HNRNPF: variants seen among roughly 807,000 people sequenced by gnomAD.
The protein encoded by HNRNPF is HnRNP F protein.
A neutral mutation model predicts 26.0 loss-of-function variants in HNRNPF; 2 were observed. The ratio of observed to expected loss-of-function variants is 0.08; its 90% CI spans 0.03 to 0.24. The LOEUF (loss-of-function observed/expected upper bound fraction) is 0.24, where lower values mean the gene tolerates loss of function less well. Ranked by LOEUF, HNRNPF falls within the 10% of genes least tolerant of loss-of-function variation. The probability of loss-of-function intolerance (pLI) is 1.00; values close to 1 mark genes in which losing one functional copy is unlikely to be tolerated. For missense variants in HNRNPF, 299 were observed against 539.2 expected (o/e 0.55, Z 4.41); for synonymous variants, 234 against 211.5 (o/e 1.11, Z -0.92).
intron 1 of HNRNPF, among the ~76,000 whole-genome samples, chr10:43,399,654 G>A (rs1838690835): frequency 6.6e-6 from 1 of 152,216 alleles, no homozygotes; most frequent in South Asian, 2.1e-4. Flanking sequence ...GAGATACATG[G>A]AGACAAGATG....
intron 1 of HNRNPF, among the ~76,000 whole-genome samples, chr10:43,398,028 T>G (rs546246988): frequency 7.9e-5 from 12 of 152,294 alleles, no homozygotes; most frequent in South Asian, 2.1e-4. Context: ...GTTTTGTTTG[T>G]TTGGTTGGTT....
chr10:43,403,445 A>C (rs1405185524), intron 1 of HNRNPF, among the ~76,000 whole-genome samples: 1 of 152,216 alleles, frequency 6.6e-6, no homozygotes. Flanking sequence ...TCATTTCCAA[A>C]AGAGTTTTAC....
intron 2 of HNRNPF, among the ~76,000 whole-genome samples, chr10:43,396,122 G>A (rs1375311465): frequency 6.6e-6 from 1 of 152,166 alleles, no homozygotes; most frequent in African/African-American, 2.4e-5. Context: ...GCTCTTCGCA[G>A]TGATACAGGT....
At chr10:43,400,062 C>G (rs369298955) in intron 1 of HNRNPF, among the ~76,000 whole-genome samples, 2 of 152,090 alleles carry the variant, frequency 1.3e-5, no homozygotes, top group Non-Finnish European at 2.9e-5. Flanking sequence ...AAAGTAGAAG[C>G]TGGCCAGGAG....
In HNRNPF at chr10:43,387,130, C is replaced by G; in HGVS notation, c.755G>C (p.Gly252Ala). 6.2e-7 allele frequency: 1 copy of G among 1,613,946 alleles called. No individual in the cohort carries two copies. Among genetic ancestry groups the G allele is most frequent in the Non-Finnish European group, 8.5e-7 (1 of 1,180,024 alleles). Residue 252 changes from glycine (G) to alanine (A), a missense_variant, in exon 4 of 4, where the codon GGC becomes GCC. Coordinates refer to ENST00000682386, the MANE Select transcript of HNRNPF (RefSeq NM_001098204.2). The surrounding 1 kb of genome is among the most constrained non-coding windows in gnomAD (Gnocchi z 6.0). ...GAACAGGTCGGTGGTGAAGCCGTAGCCATCACTGAGGCCACTGTACTCCTC... is the reference window on the plus strand; with the variant it reads ...GAACAGGTCGGTGGTGAAGCCGTAGGCATCACTGAGGCCACTGTACTCCTC... The part of the protein sequence containing the change: ...GYEEYSGLSD[G>A]YGFTTDLFGR...
intron 2 of HNRNPF, among the ~76,000 whole-genome samples, chr10:43,395,424 C>G (rs888650184): frequency 6.6e-6 from 1 of 152,126 alleles, no homozygotes; most frequent in East Asian, 1.9e-4. Flanking sequence ...GACTAGGACA[C>G]GGGCTGAGGG....
chr10:43,386,501 G>T lies in HNRNPF; in HGVS notation c.*136C>A. ...TTTTGCATGAGAAAACACTGAAGAG[G>T]TAATTTTTTAATCCAGATTTTTCAC... On this transcript the variant is annotated 3_prime_UTR_variant, in exon 4 of 4. Transcript: ENST00000682386. 1 of 804,158 alleles carries T rather than the reference G, an allele frequency of 1.2e-6. No individual in the cohort carries two copies. The highest frequency in any genetic ancestry group is 1.9e-6 in the Non-Finnish European group (1 of 530,260). 49.8% of individuals were successfully genotyped at this position (804,158 alleles called of 1,614,324 possible). A position where few individuals can be genotyped will look rare whatever the true frequency, so the allele number is the denominator to read the frequency against.
intron 1 of HNRNPF, among the ~76,000 whole-genome samples, chr10:43,400,426 A>C (rs116387925): frequency 0.034 from 5,167 of 152,312 alleles, 206 homozygotes; most frequent in African/African-American, 0.095. Context: ...TCTGTTCACC[A>C]CATGAGAAGC....
At chr10:43,388,185 G>C (rs952475210) in intron 3 of HNRNPF, among the ~76,000 whole-genome samples, 1 of 152,116 alleles carries the variant, frequency 6.6e-6, no homozygotes, top group African/African-American at 2.4e-5. Flanking sequence ...GTTTCAGTCA[G>C]TTTAGAGCAA....
At chr10:43,401,484 A>G (rs1424689505) in intron 1 of HNRNPF, among the ~76,000 whole-genome samples, 1 of 152,200 alleles carries the variant, frequency 6.6e-6, no homozygotes, top group African/African-American at 2.4e-5. Flanking sequence ...TCTAAGGTAA[A>G]TGTTCCTTAA....
intron 1 of HNRNPF, chr10:43,408,886 G>A (rs1393217868): frequency 6.6e-6 from 1 of 152,390 alleles, no homozygotes; most frequent in African/African-American, 2.4e-5. Context: ...TGCGAGCACG[G>A]GGCGGAGCCT....
At chr10:43,391,439 CG>C (rs1259887179) in intron 3 of HNRNPF, among the ~76,000 whole-genome samples, 1 of 151,348 alleles carries the variant, frequency 6.6e-6, no homozygotes, top group Non-Finnish European at 1.5e-5. Context: ...GCCCGGGTGA[CG>C]GAGCGAGACT....
chr10:43,402,801 A>G (rs577837647), intron 1 of HNRNPF, among the ~76,000 whole-genome samples: 2 of 152,270 alleles, frequency 1.3e-5, no homozygotes, highest in South Asian at 4.1e-4. Flanking sequence ...CTGTATTTGT[A>G]TTAGGTGAAG....
intron 1 of HNRNPF, among the ~76,000 whole-genome samples, chr10:43,403,640 T>C (rs1838821241): frequency 6.6e-6 from 1 of 152,206 alleles, no homozygotes; most frequent in Non-Finnish European, 1.5e-5. Context: ...GATGTATCAA[T>C]GGAGACAAAG....
chr10:43,390,667 T>A (rs1328762048), intron 3 of HNRNPF, among the ~76,000 whole-genome samples: 4 of 152,280 alleles, frequency 2.6e-5, no homozygotes, highest in Admixed American at 1.3e-4. Context: ...TCAATGAACT[T>A]CTTAACTGTA....
chr10:43,388,484 C>CTA (rs1190635907), intron 3 of HNRNPF, among the ~76,000 whole-genome samples: 1 of 152,186 alleles, frequency 6.6e-6, no homozygotes, highest in East Asian at 1.9e-4. Context: ...CTTCCACTGT[C>CTA]TATGGAGTTA....
At chr10:43,392,366 C>T (rs574736803) in intron 3 of HNRNPF, among the ~76,000 whole-genome samples, 5 of 152,244 alleles carry the variant, frequency 3.3e-5, no homozygotes, top group African/African-American at 1.2e-4. Flanking sequence ...TGGTGAAACC[C>T]CGTCTCTACT....
chr10:43,401,133 A>C, intron 1 of HNRNPF, among the ~76,000 whole-genome samples: 1 of 151,918 alleles, frequency 6.6e-6, no homozygotes, highest in East Asian at 1.9e-4. Context: ...TAACATTTTA[A>C]ATGTTTACTC....
intron 1 of HNRNPF, chr10:43,396,907 AG>A (rs1838555720): frequency 2.4e-4 from 1 of 4,174 alleles, no homozygotes; most frequent in East Asian, 8.3e-3. Flanking sequence ...AGGGGAGGGG[AG>A]GGGAGGGGAG....
Sources: allele counts gnomAD v4.1 joint callset (sites outside exome capture counted in the v4.1 genomes callset), GRCh38; gene constraint gnomAD v4.1.1; non-coding constraint Gnocchi (gnomAD v3.1); transcripts MANE v1.5; gene names NCBI Gene and HGNC (gene_info 2026-07-23, HGNC 2026-07-21).